The following CYTH4 variants were observed in gnomAD, a reference collection of about 807,000 sequenced individuals.
CYTH4 encodes cytohesin 4, also known as cytohesin-4.
In CYTH4, 22 loss-of-function variants were observed where a neutral mutation model predicts 57.5. That is an observed-to-expected ratio of 0.38 (90% confidence interval 0.27 to 0.55). CYTH4 has a LOEUF of 0.55. Among genes scored for constraint, CYTH4 ranks in the 20% least tolerant of loss-of-function variants. CYTH4 has a pLI of 0.74. For synonymous variants in CYTH4, 186 were observed against 206.5 expected, an observed-to-expected ratio of 0.90 and a Z score of 0.85; for missense variants, 420 against 535.6, an observed-to-expected ratio of 0.78 and a Z score of 2.13.
intron 12 of CYTH4, among the ~76,000 whole-genome samples, chr22:37,313,036 C>G (rs1451438593): frequency 6.6e-6 from 1 of 152,202 alleles, no homozygotes; most frequent in Admixed American, 6.5e-5. Flanking sequence ...GAAACTGAGG[C>G]CCAGAGATGG....
In CYTH4 at chr22:37,303,507, G is replaced by C. The variant is rs1035018133; in HGVS notation, c.696+105G>C. The C allele has an allele frequency of 3.5e-6, 5 of 1,422,012 alleles. No homozygotes were observed. In the African/African-American group the frequency reaches 7.2e-5, roughly 21 times the overall value. The allele number at this position is 1,422,012 out of a possible 1,614,324, so 88.1% of individuals were successfully genotyped here. A position where few individuals can be genotyped will look rare whatever the true frequency, so the allele number is the denominator to read the frequency against. ...GCTCCTCTGAGATAGACAGCCCCCAGTGGGGACTCTGCTGATATGGCCCAC... is the reference window on the plus strand; with the variant it reads ...GCTCCTCTGAGATAGACAGCCCCCACTGGGGACTCTGCTGATATGGCCCAC... On this transcript the variant is annotated intron_variant, in intron 8 of 12. Transcript: ENST00000248901.
chr22:37,315,062 C>T lies in CYTH4; in HGVS notation c.*1551C>T, dbSNP rs1026660334. ...CACCTTGTGGGACATCTGAGGACAT[C>T]CGCAGATTCTTGTCAGCCTGTGAAC... On this transcript the variant is annotated 3_prime_UTR_variant, in exon 13 of 13. Coordinates refer to ENST00000248901, the MANE Select transcript of CYTH4 (RefSeq NM_013385.5). The T allele has an allele frequency of 6.6e-6, 1 of 152,306 alleles. No homozygotes were observed. Among genetic ancestry groups the T allele is most frequent in the Non-Finnish European group, 1.5e-5 (1 of 68,106 alleles). 9.4% of individuals were successfully genotyped at this position (152,306 alleles called of 1,614,324 possible). A position where few individuals can be genotyped will look rare whatever the true frequency, so the allele number is the denominator to read the frequency against.
intron 7 of CYTH4, 151 bp from the exon 8 acceptor site, chr22:37,303,103 A>G (rs2145865399): frequency 1.8e-6 from 2 of 1,129,412 alleles, no homozygotes; most frequent in Non-Finnish European, 2.5e-6. Flanking sequence ...AAGAGTGGGA[A>G]GGGAGAGGAG....
chr22:37,293,859 G>A (rs2145858443), intron 2 of CYTH4, among the ~76,000 whole-genome samples: 1 of 152,156 alleles, frequency 6.6e-6, no homozygotes, highest in East Asian at 1.9e-4. Context: ...GCACAGGTTT[G>A]GAGTCAGACT....
chr22:37,287,488 C>T (rs1301984136), intron 1 of CYTH4, among the ~76,000 whole-genome samples: 1 of 152,206 alleles, frequency 6.6e-6, no homozygotes, highest in South Asian at 2.1e-4. Flanking sequence ...AAAACAGAAT[C>T]GGATTGTTCA....
At position 37,295,375 on chromosome 22, in the gene CYTH4, C is replaced by A. The variant is rs189229511; in HGVS notation, c.168-624C>A. On this transcript the variant is annotated intron_variant, in intron 3 of 12. Coordinates refer to ENST00000248901, the MANE Select transcript of CYTH4 (RefSeq NM_013385.5). This position sits in a 1 kb window ranked among gnomAD's most constrained non-coding sequence, Gnocchi z 4.1. ...GCCTCCTCCCCTCCCCCACCACACA[C>A]ATGCACACACACACACGCATGCACA... 6.6e-6 allele frequency among the ~76,000 whole-genome samples: 1 copy of A among 151,220 alleles called. No individual in the cohort carries two copies. Among genetic ancestry groups the A allele is most frequent in the Admixed American group, 6.6e-5 (1 of 15,242 alleles).
intron 1 of CYTH4, among the ~76,000 whole-genome samples, chr22:37,283,150 G>T (rs1432307116): frequency 1.3e-5 from 2 of 151,494 alleles, no homozygotes; most frequent in African/African-American, 2.4e-5. Flanking sequence ...GCCCCCGGGG[G>T]TTGGGGTGGT....
chr22:37,295,118 C>T lies in CYTH4; in HGVS notation c.167+394C>T, dbSNP rs1340088345. ...ACAGGAGCCTGGCCCTACCCCACCC[C>T]ACTCACCACTAACCCCGGGCCAGCC... On this transcript the variant is annotated intron_variant, in intron 3 of 12. Transcript: ENST00000248901. This position sits in a 1 kb window ranked among gnomAD's most constrained non-coding sequence, Gnocchi z 4.1. Among the ~76,000 whole-genome samples the T allele has an allele frequency of 6.6e-6, 1 of 152,140 alleles. No individual in the cohort carries two copies. Among genetic ancestry groups the T allele is most frequent in the Non-Finnish European group, 1.5e-5 (1 of 68,012 alleles).
At chr22:37,312,718 A>G (rs1383850874) in intron 12 of CYTH4, among the ~76,000 whole-genome samples, 1 of 152,144 alleles carries the variant, frequency 6.6e-6, no homozygotes, top group African/African-American at 2.4e-5. Flanking sequence ...GGAGCCATAG[A>G]CTCATAAATA....
chr22:37,283,065 G>A (rs1275392005), intron 1 of CYTH4, among the ~76,000 whole-genome samples: 1 of 152,182 alleles, frequency 6.6e-6, no homozygotes, highest in Non-Finnish European at 1.5e-5. Flanking sequence ...AGTGACTTGC[G>A]ATTAAGATGA....
chr22:37,298,773 G>A lies in CYTH4; in HGVS notation c.354-453G>A, dbSNP rs558692610. 2.0e-5 allele frequency among the ~76,000 whole-genome samples: 3 copies of A among 152,252 alleles called. No individual in the cohort carries two copies. The highest frequency in any genetic ancestry group is 7.2e-5 in the African/African-American group (3 of 41,550). ...CCCAAGGACACCCCTCCCTCCCGCG[G>A]TGAGCAGGGGATGCAGACGGTGAGA... On this transcript the variant is annotated intron_variant, in intron 5 of 12. Transcript: ENST00000248901. This position sits in a 1 kb window ranked among gnomAD's most constrained non-coding sequence, Gnocchi z 4.1.
intron 8 of CYTH4, 54 bp from the exon 9 acceptor site, chr22:37,309,158 C>G: frequency 6.4e-7 from 1 of 1,560,036 alleles, no homozygotes; most frequent in Non-Finnish European, 8.8e-7. Context: ...AGGCCTAGGC[C>G]TTGGACTCGG....
chr22:37,301,487 A>ATCCT (rs1254026199), intron 7 of CYTH4, among the ~76,000 whole-genome samples: 1 of 151,950 alleles, frequency 6.6e-6, no homozygotes, highest in East Asian at 1.9e-4. Flanking sequence ...AAGGAGATAC[A>ATCCT]TAAAGGTCAG....
rs770906386 is a variant in CYTH4 at position 37,309,421 on chromosome 22, G to A, written c.808+98G>A. 4.7e-6 allele frequency: 5 copies of A among 1,072,252 alleles called. No individual in the cohort carries two copies. In the East Asian group the frequency reaches 9.9e-5, roughly 21 times the overall value. The allele number at this position is 1,072,252 out of a possible 1,614,324, so 66.4% of individuals were successfully genotyped here. ...CTCCTGGACGCACAGGCCCCCAGCTGACACGAGGCTCACATGCATCCTGGG... is the reference window on the plus strand; with the variant it reads ...CTCCTGGACGCACAGGCCCCCAGCTAACACGAGGCTCACATGCATCCTGGG... On this transcript the variant is annotated intron_variant, in intron 9 of 12. Transcript: ENST00000248901.
chr22:37,303,445 A>G (rs752532551), intron 8 of CYTH4, 43 bp downstream of exon 8: 38 of 1,593,844 alleles, frequency 2.4e-5, no homozygotes, highest in Non-Finnish European at 3.2e-5. Context: ...CGGGGAATCC[A>G]GGAGGGACCT....
intron 1 of CYTH4, among the ~76,000 whole-genome samples, chr22:37,285,503 C>T (rs1390600786): frequency 6.6e-6 from 1 of 152,054 alleles, no homozygotes; most frequent in Non-Finnish European, 1.5e-5. Context: ...GTCAGGAGAT[C>T]GAGACCAACC....
chr22:37,292,595 G>A (rs759412189), intron 1 of CYTH4, 26 bp from the exon 2 acceptor site: 3 of 1,611,792 alleles, frequency 1.9e-6, no homozygotes, highest in Non-Finnish European at 2.5e-6. Context: ...GCCAAGTGAT[G>A]GGGAAGGCCG....
At chr22:37,282,624 G>T in intron 1 of CYTH4, 36 bp downstream of exon 1, 1 of 1,577,848 alleles carries the variant, frequency 6.3e-7, no homozygotes, top group Non-Finnish European at 8.6e-7. Context: ...GGGCCTCAGG[G>T]TGCTCTCTTT....
At chr22:37,308,190 G>A (rs929963225) in intron 8 of CYTH4, among the ~76,000 whole-genome samples, 2 of 152,208 alleles carry the variant, frequency 1.3e-5, no homozygotes, top group Non-Finnish European at 2.9e-5. Context: ...GCTCCTCAGG[G>A]GCCCCTCAAC....
Sources: allele counts gnomAD v4.1 joint callset (sites outside exome capture counted in the v4.1 genomes callset), GRCh38; gene constraint gnomAD v4.1.1; non-coding constraint Gnocchi (gnomAD v3.1); transcripts MANE v1.5; gene names NCBI Gene and HGNC (gene_info 2026-07-23, HGNC 2026-07-21).